Variants in IMMP1L observed in about 807,000 individuals in gnomAD.
IMMP1L encodes the protein mitochondrial inner membrane protease subunit 1.
Under a neutral mutation model 21.8 loss-of-function variants are expected in IMMP1L, and 24 were observed. The ratio of observed to expected loss-of-function variants is 1.10; its 90% CI spans 0.80 to 1.55. The LOEUF (loss-of-function observed/expected upper bound fraction) is 1.55, where lower values mean the gene tolerates loss of function less well. Ranked by LOEUF, IMMP1L falls within the 40% of genes most tolerant of loss-of-function variation. The probability of loss-of-function intolerance (pLI) is 0.00; values close to 1 mark genes in which losing one functional copy is unlikely to be tolerated. For missense variants in IMMP1L, 195 were observed against 200.7 expected (o/e 0.97, Z 0.17); for synonymous variants, 46 against 62.8 (o/e 0.73, Z 1.26).
chr11:31,456,772 C>T (rs181047400), intron 3 of IMMP1L, among the ~76,000 whole-genome samples: 6 of 147,846 alleles, frequency 4.1e-5, no homozygotes, highest in Non-Finnish European at 8.9e-5. Flanking sequence ...ATAATCTCAG[C>T]ACTTTGGGAG....
chr11:31,453,526 T>C (rs1485522388), intron 4 of IMMP1L, among the ~76,000 whole-genome samples: 1 of 152,200 alleles, frequency 6.6e-6, no homozygotes, highest in Non-Finnish European at 1.5e-5. Context: ...ATTGCACCAG[T>C]GTGCTTCTGA....
chr11:31,442,981 T>C (rs1284261473), intron 4 of IMMP1L, among the ~76,000 whole-genome samples: 3 of 152,256 alleles, frequency 2.0e-5, no homozygotes, highest in East Asian at 1.9e-4. Context: ...CCCTTGCCTA[T>C]GAAAAAAGTC....
intron 1 of IMMP1L, among the ~76,000 whole-genome samples, chr11:31,505,840 T>C (rs542019815): frequency 9.8e-5 from 15 of 152,336 alleles, no homozygotes; most frequent in South Asian, 6.2e-4. Flanking sequence ...TTTCTTCCTA[T>C]GATTTGATTA....
chr11:31,481,089 G>C (rs559398290), intron 1 of IMMP1L, among the ~76,000 whole-genome samples: 1 of 152,168 alleles, frequency 6.6e-6, no homozygotes, highest in Admixed American at 6.6e-5. Context: ...CCTCCCAGAT[G>C]GGGGCTTGGA....
intron 1 of IMMP1L, chr11:31,473,906 C>T (rs2133720986): frequency 5.2e-6 from 1 of 192,304 alleles, no homozygotes; most frequent in Non-Finnish European, 9.5e-6. Context: ...CATCGGTTTA[C>T]ATAAATTCAT....
At chr11:31,506,946 G>A (rs1346897808) in intron 1 of IMMP1L, among the ~76,000 whole-genome samples, 1 of 147,320 alleles carries the variant, frequency 6.8e-6, no homozygotes, top group Non-Finnish European at 1.5e-5. Flanking sequence ...GCAACAGAGC[G>A]AGACTCCGTC....
chr11:31,433,786 T>A (rs937365616), intron 4 of IMMP1L: 12 of 390,952 alleles, frequency 3.1e-5, no homozygotes, highest in Non-Finnish European at 5.4e-5. Flanking sequence ...CTATCATCTT[T>A]TTTTGTCATA....
intron 1 of IMMP1L, among the ~76,000 whole-genome samples, chr11:31,497,358 TATA>T (rs1955478587): frequency 6.6e-6 from 1 of 152,104 alleles, no homozygotes; most frequent in Admixed American, 6.5e-5. Context: ...ATGAGGTGCT[TATA>T]ATAAGTTGGC....
At position 31,446,534 on chromosome 11, in the gene IMMP1L, C is replaced by T. The variant is rs929322629; in HGVS notation, c.321+9726G>A. ...CTCCTGGGTTCAAGCCATCCTCCCACGTAACAGACTACCATGCTTGGCTTA... is the reference window on the plus strand; with the variant it reads ...CTCCTGGGTTCAAGCCATCCTCCCATGTAACAGACTACCATGCTTGGCTTA... On this transcript the variant is annotated intron_variant, in intron 4 of 5. Coordinates refer to ENST00000532287, the MANE Select transcript of IMMP1L (RefSeq NM_001304274.2). 3.9e-5 allele frequency among the ~76,000 whole-genome samples: 6 copies of T among 152,186 alleles called. No individual in the cohort carries two copies. The South Asian group carries it at 8.3e-4, about 21-fold the overall frequency.
intron 3 of IMMP1L, among the ~76,000 whole-genome samples, chr11:31,457,540 G>GAATAAAAGGAAAATTATGAAGA (rs1591974873): frequency 6.6e-6 from 1 of 152,188 alleles, no homozygotes; most frequent in East Asian, 1.9e-4. Flanking sequence ...AAAGTCATAA[G>GAATAAAAGGAAAATTATGAAGA]AATAAAAGGA....
At chr11:31,483,679 T>C (rs573263051) in intron 1 of IMMP1L, among the ~76,000 whole-genome samples, 6 of 152,108 alleles carry the variant, frequency 3.9e-5, no homozygotes, top group African/African-American at 1.2e-4. Context: ...GAATGCAGTA[T>C]ACAGAATATA....
chr11:31,463,225 G>T lies in IMMP1L; in HGVS notation c.52C>A (p.Gln18Lys). ...KTFRLVGYTI[Q>K]YGCIAHCAFE... ...GCACAATGAGCTATACAGCCATATT[G>T]AATAGTATAGCCAACAAGTCGAAAG... Residue 18 changes from glutamine (Q) to lysine (K), a missense_variant, in exon 2 of 6, where the codon CAA becomes AAA. By Grantham distance (53) the Gln-to-Lys change is moderately conservative. Transcript: ENST00000532287. 6.2e-7 allele frequency: 1 copy of T among 1,612,188 alleles called. No individual in the cohort carries two copies. Among genetic ancestry groups the T allele is most frequent in the South Asian group, 1.1e-5 (1 of 90,824 alleles).
chr11:31,506,821 A>T (rs764818255), intron 1 of IMMP1L, among the ~76,000 whole-genome samples: 1 of 151,428 alleles, frequency 6.6e-6, no homozygotes, highest in Non-Finnish European at 1.5e-5. Flanking sequence ...TTAGCTGGGC[A>T]TGGTGGTGCA....
At chr11:31,488,077 T>G (rs1202660642) in intron 1 of IMMP1L, 1 of 151,928 alleles carries the variant, frequency 6.6e-6, no homozygotes, top group African/African-American at 2.4e-5. Context: ...TCATAAGAGT[T>G]AAGTTGAACA....
rs77855921 is a variant in IMMP1L, at chr11:31,505,900, T to C, written c.-30+3619A>G. On this transcript the variant is annotated intron_variant, in intron 1 of 5. Transcript: ENST00000532287. ...GAAAGAATGCAGTACATAATACATA[T>C]ACAAATTATGTGTTAATCCACAGAT... Among the ~76,000 whole-genome samples the C allele has an allele frequency of 5.6e-3, 850 of 152,352 alleles. 11 individuals carry two copies. The highest frequency in any genetic ancestry group is 0.02 in the African/African-American group (818 of 41,598).
intron 1 of IMMP1L, chr11:31,469,901 A>G (rs560960555): frequency 6.6e-6 from 1 of 152,342 alleles, no homozygotes; most frequent in South Asian, 2.1e-4. Flanking sequence ...ACCTTTACAT[A>G]AGAAATAATT....
chr11:31,458,682 TTTC>T (rs1954031088), intron 3 of IMMP1L, among the ~76,000 whole-genome samples: 1 of 152,170 alleles, frequency 6.6e-6, no homozygotes, highest in African/African-American at 2.4e-5. Flanking sequence ...GACAGTAATA[TTTC>T]TTAAGTAAAA....
chr11:31,489,961 ATG>A (rs1170489030), intron 1 of IMMP1L, among the ~76,000 whole-genome samples: 1 of 152,178 alleles, frequency 6.6e-6, no homozygotes, highest in African/African-American at 2.4e-5. Flanking sequence ...AACTTGCTAA[ATG>A]TTTTTAAATT....
intron 1 of IMMP1L, among the ~76,000 whole-genome samples, chr11:31,466,567 C>T (rs1045381161): frequency 6.6e-6 from 1 of 152,044 alleles, no homozygotes; most frequent in Non-Finnish European, 1.5e-5. Flanking sequence ...CAATGGAATA[C>T]TATTCAGCCA....
Sources: allele counts gnomAD v4.1 joint callset (sites outside exome capture counted in the v4.1 genomes callset), GRCh38; gene constraint gnomAD v4.1.1; transcripts MANE v1.5; gene names NCBI Gene and HGNC (gene_info 2026-07-23, HGNC 2026-07-21).